The following CSNK1G2 variants were observed in gnomAD, a reference collection of about 807,000 sequenced individuals.
The protein encoded by CSNK1G2 is casein kinase I isoform gamma-2.
In CSNK1G2, 11 loss-of-function variants were observed where a neutral mutation model predicts 48.0. That is an observed-to-expected ratio of 0.23 (90% CI 0.14 to 0.38). The LOEUF (loss-of-function observed/expected upper bound fraction) is 0.38. Ranked by LOEUF, CSNK1G2 falls within the 10% of genes least tolerant of loss-of-function variation. The pLI is 1.00. For synonymous variants in CSNK1G2, 337 were observed against 254.1 expected, an observed-to-expected ratio of 1.33 and a Z score of -3.10; for missense variants, 446 against 595.5, an observed-to-expected ratio of 0.75 and a Z score of 2.61.
At chr19:1,964,068 T>C (rs1329711667) in intron 1 of CSNK1G2, among the ~76,000 whole-genome samples, 1 of 151,984 alleles carries the variant, frequency 6.6e-6, no homozygotes, top group African/African-American at 2.4e-5. Context: ...CCCAAAGTGC[T>C]GGGCCTTGGC....
In CSNK1G2 at chr19:1,981,188, G is replaced by T. The variant is rs911124061; in HGVS notation, c.*985G>T. The T allele has an allele frequency of 6.6e-6, 1 of 152,246 alleles. No homozygotes were observed. Among genetic ancestry groups the T allele is most frequent in the Non-Finnish European group, 1.5e-5 (1 of 68,084 alleles). 9.4% of individuals were successfully genotyped at this position (152,246 alleles called of 1,614,324 possible). On this transcript the variant is annotated 3_prime_UTR_variant, in exon 12 of 12. Coordinates refer to ENST00000255641, the MANE Select transcript of CSNK1G2 (RefSeq NM_001319.7). ...CCTGGAGGCTGCCGGGCAGAGTGGA[G>T]CAGCTTGGGGCCGTGCCCAGGGCGG...
At chr19:1,946,823 G>T (rs1394506239) in intron 1 of CSNK1G2, among the ~76,000 whole-genome samples, 1 of 151,560 alleles carries the variant, frequency 6.6e-6, no homozygotes, top group Non-Finnish European at 1.5e-5. Context: ...GTGTTAGCCA[G>T]GATGGTCTCC....
chr19:1,963,364 A>T (rs2015263354), intron 1 of CSNK1G2, among the ~76,000 whole-genome samples: 1 of 151,790 alleles, frequency 6.6e-6, no homozygotes, highest in South Asian at 2.1e-4. Flanking sequence ...GGTGCCCGCC[A>T]CCATGCCTGG....
intron 2 of CSNK1G2, among the ~76,000 whole-genome samples, chr19:1,970,406 G>A (rs2015527265): frequency 1.3e-5 from 2 of 152,254 alleles, no homozygotes; most frequent in Non-Finnish European, 2.9e-5. Flanking sequence ...TGATGATACT[G>A]CTGTGTGCCA....
intron 1 of CSNK1G2, among the ~76,000 whole-genome samples, chr19:1,964,014 A>G (rs1277649878): frequency 6.6e-6 from 1 of 151,914 alleles, no homozygotes; most frequent in African/African-American, 2.4e-5. Context: ...ACAGGGTTTC[A>G]CCATGTTGGC....
At chr19:1,967,637 C>T (rs895633853) in intron 1 of CSNK1G2, among the ~76,000 whole-genome samples, 2 of 151,924 alleles carry the variant, frequency 1.3e-5, no homozygotes, top group Admixed American at 6.6e-5. Context: ...GTCCAGTTAA[C>T]ACCACAGCTG....
chr19:1,977,350 C>T (rs1347106943), intron 2 of CSNK1G2, among the ~76,000 whole-genome samples: 1 of 152,212 alleles, frequency 6.6e-6, no homozygotes. Flanking sequence ...TGAGTCACCA[C>T]AGTGGGTGGG....
intron 1 of CSNK1G2, among the ~76,000 whole-genome samples, chr19:1,966,415 C>T (rs1187890479): frequency 2.0e-5 from 3 of 152,186 alleles, no homozygotes; most frequent in Non-Finnish European, 2.9e-5. Flanking sequence ...GATGTGACTG[C>T]ATTGTCGCTG....
At chr19:1,964,278 G>A (rs1476743218) in intron 1 of CSNK1G2, among the ~76,000 whole-genome samples, 1 of 149,124 alleles carries the variant, frequency 6.7e-6, no homozygotes, top group East Asian at 2.0e-4. Context: ...GGGTGACAGA[G>A]TGAGACCCTG....
chr19:1,977,254 T>A lies in CSNK1G2; in HGVS notation c.188-1051T>A, dbSNP rs562554194. Among the ~76,000 whole-genome samples the A allele has an allele frequency of 2.6e-5, 4 of 152,314 alleles. No individual in the cohort carries two copies. The East Asian group carries it at 7.7e-4, about 29-fold the overall frequency. On this transcript the variant is annotated intron_variant, in intron 2 of 11. Coordinates refer to ENST00000255641, the MANE Select transcript of CSNK1G2 (RefSeq NM_001319.7). The stretch of plus-strand genomic sequence containing the variant: ...GTGCCAGACACGTTCATGCCTGTCG[T>A]CTGGCCCAGCTGCCGTGGGGAGCCC...
chr19:1,950,695 C>G (rs749475766), intron 1 of CSNK1G2, among the ~76,000 whole-genome samples: 1 of 145,610 alleles, frequency 6.9e-6, no homozygotes, highest in East Asian at 2.1e-4. Flanking sequence ...TGCCGCCCAC[C>G]GAACACCAAG....
chr19:1,945,339 C>T (rs1009637373), intron 1 of CSNK1G2, among the ~76,000 whole-genome samples: 1 of 152,186 alleles, frequency 6.6e-6, no homozygotes, highest in Non-Finnish European at 1.5e-5. Flanking sequence ...GGGCACGCGT[C>T]TGAGGTGTGG....
intron 1 of CSNK1G2, chr19:1,954,151 T>G (rs1176602814): frequency 4.7e-6 from 2 of 426,680 alleles, no homozygotes; most frequent in African/African-American, 4.1e-5. Flanking sequence ...CCGGCCTAGG[T>G]CAGCCTGAGG....
intron 1 of CSNK1G2, among the ~76,000 whole-genome samples, chr19:1,948,633 T>C (rs1039976809): frequency 7.2e-5 from 11 of 152,190 alleles, no homozygotes; most frequent in Admixed American, 3.9e-4. Flanking sequence ...GAGCCACTTT[T>C]TTTTGCTGGG....
intron 1 of CSNK1G2, among the ~76,000 whole-genome samples, chr19:1,949,242 C>T (rs1264601902): frequency 6.6e-6 from 1 of 152,214 alleles, no homozygotes; most frequent in Non-Finnish European, 1.5e-5. Flanking sequence ...GCCTTCCACA[C>T]CATCCTTTCC....
rs189265088 is a variant in CSNK1G2, at chr19:1,959,076, C to T, written c.-265-10432C>T. On this transcript the variant is annotated intron_variant, in intron 1 of 11. Coordinates refer to ENST00000255641, the MANE Select transcript of CSNK1G2 (RefSeq NM_001319.7). The stretch of plus-strand genomic sequence containing the variant: ...GTATTAATAACTGAGGTGTGACACT[C>T]GGGCTGTACCCGCTAGCTGTGTAAC... 2.2e-4 allele frequency among the ~76,000 whole-genome samples: 34 copies of T among 151,270 alleles called. 1 individual carries two copies. The highest frequency in any genetic ancestry group is 7.5e-4 in the African/African-American group (31 of 41,126).
intron 1 of CSNK1G2, among the ~76,000 whole-genome samples, chr19:1,963,897 A>G (rs1187309828): frequency 6.8e-6 from 1 of 147,424 alleles, no homozygotes; most frequent in Non-Finnish European, 1.5e-5. Context: ...GCTCACTGCA[A>G]CCTCTGCCTC....
At position 1,975,881 on chromosome 19, in the gene CSNK1G2, C is replaced by T. The variant is rs1247957027; in HGVS notation, c.188-2424C>T. 4.0e-5 allele frequency: 29 copies of T among 719,246 alleles called. No individual in the cohort carries two copies. The South Asian group carries it at 4.4e-4, about 11-fold the overall frequency. The allele number at this position is 719,246 out of a possible 1,614,324, so 44.6% of individuals were successfully genotyped here. A position where few individuals can be genotyped will look rare whatever the true frequency, so the allele number is the denominator to read the frequency against. On this transcript the variant is annotated intron_variant, in intron 2 of 11. Coordinates refer to ENST00000255641, the MANE Select transcript of CSNK1G2 (RefSeq NM_001319.7). Reference sequence around the variant, plus strand: ...AGAAAGCCCATCTCTAGTAAAAATACAAAAATTAGCCAGGTTGATGGTGCC... The same window carrying T: ...AGAAAGCCCATCTCTAGTAAAAATATAAAAATTAGCCAGGTTGATGGTGCC...
At chr19:1,945,172 G>A (rs1459649840) in intron 1 of CSNK1G2, among the ~76,000 whole-genome samples, 3 of 152,216 alleles carry the variant, frequency 2.0e-5, no homozygotes, top group Admixed American at 1.3e-4. Context: ...CCCTGCACCA[G>A]CCTGTGCGCC....
Sources: gnomAD v4.1 joint callset for allele counts (sites outside exome capture counted in the v4.1 genomes callset) on GRCh38, gnomAD v4.1.1 for gene constraint, MANE v1.5 for transcripts, NCBI Gene and HGNC (gene_info 2026-07-23, HGNC 2026-07-21) for gene names.